Variants in FRYL observed in about 807,000 individuals in gnomAD.
FRYL encodes the protein FRY like transcription coactivator, also known as protein furry homolog-like.
Under a neutral mutation model 351.2 loss-of-function variants are expected in FRYL, and 150 were observed. The ratio of observed to expected loss-of-function variants is 0.43; its 90% CI spans 0.37 to 0.49. FRYL has a LOEUF of 0.49. Among genes scored for constraint, FRYL ranks in the 20% least tolerant of loss-of-function variants. The probability of loss-of-function intolerance (pLI) is 0.00; values close to 1 mark genes in which losing one functional copy is unlikely to be tolerated. For missense variants in FRYL, 3,036 were observed against 3,619.3 expected (o/e 0.84, Z 4.13); for synonymous variants, 1,153 against 1,257.1 (o/e 0.92, Z 1.75).
Position 48,579,029 on chromosome 4 carries a change from A to G in FRYL, c.2472T>C (p.Tyr824=), listed in dbSNP as rs1249401802. The change falls in exon 23 of 64, where the codon TAT becomes TAC. Residue 824 remains tyrosine, a synonymous_variant. Transcript: ENST00000358350. ...LPKHCSTAVS[Y]AWMFAYTRLQ... is the part of the protein sequence containing the mutation. ...GTCTTGTGTATGCAAACATCCAAGC[A>G]TAGCTCACAGCTGTAGAGCAGTGTT... is the stretch of plus-strand genomic sequence containing the variant. 6.2e-7 allele frequency: 1 copy of G among 1,613,966 alleles called. No homozygotes were observed. Among genetic ancestry groups the G allele is most frequent in the Admixed American group, 1.7e-5 (1 of 60,010 alleles).
At chr4:48,619,168 T>C (rs1371277253) in intron 7 of FRYL, 106 bp downstream of exon 7, 2 of 744,270 alleles carry the variant, frequency 2.7e-6, no homozygotes, top group East Asian at 5.1e-5. Flanking sequence ...GAATTTAATT[T>C]ATGTGGGCTA....
intron 3 of FRYL, among the ~76,000 whole-genome samples, chr4:48,654,460 G>C (rs1395979220): frequency 6.6e-6 from 1 of 152,084 alleles, no homozygotes; most frequent in East Asian, 1.9e-4. Context: ...TGATGATGCA[G>C]AGTCCACTGT....
At position 48,722,359 on chromosome 4, in the gene FRYL, G is replaced by A. The variant is rs1769580339; in HGVS notation, c.-383-11661C>T. Among the ~76,000 whole-genome samples the A allele has an allele frequency of 2.0e-5, 3 of 152,096 alleles. No individual in the cohort carries two copies. In the South Asian group the frequency reaches 6.2e-4, roughly 32 times the overall value. ...GTGAATATTCCTACTACCATGCATT[G>A]CTACATTTTCTGTTAACATTTGTTA... On this transcript the variant is annotated intron_variant, in intron 1 of 63. Transcript: ENST00000358350.
chr4:48,632,596 C>T (rs1190316998), intron 4 of FRYL, among the ~76,000 whole-genome samples: 1 of 150,632 alleles, frequency 6.6e-6, no homozygotes, highest in Non-Finnish European at 1.5e-5. Flanking sequence ...ATACAATATA[C>T]ACAAAAAATA....
rs17656429 is a variant in FRYL, at chr4:48,678,239, C to T, written c.-81+6434G>A. Among the ~76,000 whole-genome samples the T allele has an allele frequency of 3.9e-3, 595 of 151,814 alleles. 17 individuals are homozygous for T. Among genetic ancestry groups the T allele is most frequent in the Admixed American group, 0.029 (442 of 15,244 alleles). ...AAAATGATTGGCATAGCATTTCAAA[C>T]GATGAAGCACAAATGGTCTACACAG... is the stretch of plus-strand genomic sequence containing the variant. On this transcript the variant is annotated intron_variant, in intron 3 of 63. Transcript: ENST00000358350.
chr4:48,729,429 C>T (rs1038627155), intron 1 of FRYL, among the ~76,000 whole-genome samples: 2 of 152,228 alleles, frequency 1.3e-5, no homozygotes, highest in African/African-American at 4.8e-5. Flanking sequence ...GACAGACTGC[C>T]TCCTCAAATG....
At chr4:48,540,280 T>C in intron 46 of FRYL, 73 bp downstream of exon 46, 1 of 1,481,154 alleles carries the variant, frequency 6.8e-7, no homozygotes, top group Admixed American at 2.3e-5. Context: ...AATTAGTAGA[T>C]TTCAAAACAA....
At chr4:48,627,191 T>C (rs2149343806) in intron 4 of FRYL, among the ~76,000 whole-genome samples, 1 of 152,298 alleles carries the variant, frequency 6.6e-6, no homozygotes, top group South Asian at 2.1e-4. Context: ...ATCTTAGCTT[T>C]TTTAAAAATG....
At chr4:48,723,485 G>C (rs1422701534) in intron 1 of FRYL, among the ~76,000 whole-genome samples, 1 of 152,052 alleles carries the variant, frequency 6.6e-6, no homozygotes, top group Non-Finnish European at 1.5e-5. Context: ...TCCCAGTCTT[G>C]CTCCTTACTA....
At chr4:48,508,873 C>T (rs926357777) in intron 59 of FRYL, among the ~76,000 whole-genome samples, 16 of 152,188 alleles carry the variant, frequency 1.1e-4, no homozygotes, top group Admixed American at 9.2e-4. Flanking sequence ...GGAAGTTACA[C>T]AGCGTTGCTT....
Position 48,562,997 on chromosome 4 carries a change from A to G in FRYL, c.3597-9T>C. 1 of 1,477,960 alleles carries G rather than the reference A, an allele frequency of 6.8e-7. No individual in the cohort carries two copies. The highest frequency in any genetic ancestry group is 1.2e-5 in the South Asian group (1 of 86,360). The allele number at this position is 1,477,960 out of a possible 1,614,324, so 91.6% of individuals were successfully genotyped here. ...TGTCACATTGATAATCCCTAGGAAT[A>G]AATTTTACATATTAAGTAAATAACA... On this transcript the variant is annotated splice_polypyrimidine_tract_variant and intron_variant, in intron 31 of 63. Coordinates refer to ENST00000358350, the MANE Select transcript of FRYL (RefSeq NM_015030.2).
chr4:48,763,767 G>A (rs181353486), intron 1 of FRYL, among the ~76,000 whole-genome samples: 141 of 152,262 alleles, frequency 9.3e-4, no homozygotes, highest in African/African-American at 3.1e-3. Flanking sequence ...CACTCGACAT[G>A]TACTAGAAGT....
At chr4:48,556,260 T>C (rs1206579088) in intron 35 of FRYL, among the ~76,000 whole-genome samples, 1 of 152,236 alleles carries the variant, frequency 6.6e-6, no homozygotes, top group Non-Finnish European at 1.5e-5. Flanking sequence ...TGGGGGATGC[T>C]GCCACGGGAT....
At chr4:48,705,445 G>A (rs1397601422) in intron 2 of FRYL, among the ~76,000 whole-genome samples, 1 of 148,782 alleles carries the variant, frequency 6.7e-6, no homozygotes, top group Admixed American at 6.7e-5. Flanking sequence ...CACCACTAAG[G>A]AGTGATCCCC....
chr4:48,594,406 T>G (rs1208605592), intron 15 of FRYL, among the ~76,000 whole-genome samples: 8 of 146,988 alleles, frequency 5.4e-5, no homozygotes, highest in East Asian at 2.0e-4. Context: ...TCCCGGGGGG[T>G]GGGGGGAAGT....
chr4:48,622,045 T>C (rs1750750990), intron 5 of FRYL, among the ~76,000 whole-genome samples: 1 of 152,152 alleles, frequency 6.6e-6, no homozygotes, highest in Non-Finnish European at 1.5e-5. Flanking sequence ...ACCCATCAAC[T>C]ATTGTAAATA....
intron 57 of FRYL, among the ~76,000 whole-genome samples, chr4:48,511,558 A>G (rs1458609221): frequency 4.6e-5 from 7 of 152,224 alleles, no homozygotes; most frequent in Admixed American, 3.9e-4. Context: ...AAGTATACCT[A>G]CTTATATATG....
Position 48,547,692 on chromosome 4 carries a change from T to C in FRYL, c.4966A>G (p.Asn1656Asp). ...GAAGCAACAGTTCGGATGTTACTAT[T>C]GGGTCCCATTACTATTAATAAGTGC... is the stretch of plus-strand genomic sequence containing the variant. ...LLHLLIVMGP[N>D]SNIRTVASVL... The change falls in exon 41 of 64, where the codon AAT becomes GAT. Residue 1656 changes from asparagine (N) to aspartate (D), a missense_variant. This residue lies in a region of FRYL where 1,987 missense variants were observed against 2,311.7 expected (regional missense o/e 0.86). Transcript: ENST00000358350. 4 of 1,605,952 alleles carry C rather than the reference T, an allele frequency of 2.5e-6. No individual in the cohort carries two copies. Among genetic ancestry groups the C allele is most frequent in the Non-Finnish European group, 3.4e-6 (4 of 1,174,376 alleles).
intron 55 of FRYL, among the ~76,000 whole-genome samples, chr4:48,515,672 A>C (rs1223849479): frequency 1.3e-5 from 2 of 152,112 alleles, no homozygotes; most frequent in African/African-American, 4.8e-5. Context: ...GCACCCGGCC[A>C]CTTTTATAGT....
Sources: allele counts gnomAD v4.1 joint callset (sites outside exome capture counted in the v4.1 genomes callset), GRCh38; gene constraint gnomAD v4.1.1; regional missense constraint gnomAD v4.1.1; transcripts MANE v1.5; gene names NCBI Gene and HGNC (gene_info 2026-07-23, HGNC 2026-07-21).